Variants in NRCAM observed in about 807,000 individuals in gnomAD.
The protein encoded by NRCAM is NgCAM-related cell adhesion molecule.
NRCAM carries 83 observed loss-of-function variants against 156.5 expected under a neutral mutation model. That is an observed-to-expected ratio of 0.53 (90% CI 0.44 to 0.64). NRCAM has a LOEUF of 0.64. NRCAM is among the 30% of genes least tolerant of loss of function. The pLI, the probability that NRCAM is intolerant of heterozygous loss-of-function variation, is 0.00. For synonymous variants in NRCAM, 538 were observed against 563.9 expected (o/e 0.95, Z 0.65); for missense variants, 1,417 against 1,597.3 (o/e 0.89, Z 1.92).
At chr7:108,285,174 T>A (rs914562446) in intron 3 of NRCAM, among the ~76,000 whole-genome samples, 4 of 152,212 alleles carry the variant, frequency 2.6e-5, no homozygotes, top group African/African-American at 9.7e-5. Flanking sequence ...TCCCTCAGTC[T>A]CAGTCACTGA....
In NRCAM at chr7:108,231,127, GT is replaced by G; in HGVS notation, c.453del (p.Lys151AsnfsTer13). ...CCACTTTGAAGTGTGATTGGTTCAA[GT>G]TTTTCTTTGGTCCACAATGGTGATC... ...PSRSPLWTKE[K>X]LEPITLQSGQ... On this transcript the variant is annotated frameshift_variant, in exon 8 of 33. Coordinates refer to ENST00000379028, the MANE Select transcript of NRCAM (RefSeq NM_001037132.4). LOFTEE classifies it high-confidence loss of function. The G allele has an allele frequency of 6.2e-7, 1 of 1,603,978 alleles. No individual in the cohort carries two copies. The highest frequency in any genetic ancestry group is 8.5e-7 in the Non-Finnish European group (1 of 1,176,224).
intron 3 of NRCAM, among the ~76,000 whole-genome samples, chr7:108,298,642 GAC>G (rs1430679091): frequency 3.3e-5 from 5 of 149,762 alleles, no homozygotes; most frequent in Non-Finnish European, 7.4e-5. Flanking sequence ...AACACAGCGA[GAC>G]TCCATCTCAA....
chr7:108,238,862 G>C (rs1480862653), intron 4 of NRCAM, among the ~76,000 whole-genome samples: 1 of 152,000 alleles, frequency 6.6e-6, no homozygotes, highest in Admixed American at 6.6e-5. Flanking sequence ...TCAACAAAGT[G>C]TGGGACAAAC....
At chr7:108,434,027 G>T (rs1829101710) in intron 1 of NRCAM, among the ~76,000 whole-genome samples, 1 of 152,156 alleles carries the variant, frequency 6.6e-6, no homozygotes, top group South Asian at 2.1e-4. Context: ...CATACAACGG[G>T]ACAAAACTGT....
chr7:108,202,920 C>T (rs189767432), intron 13 of NRCAM, among the ~76,000 whole-genome samples: 8 of 152,230 alleles, frequency 5.3e-5, no homozygotes, highest in South Asian at 2.1e-4. Flanking sequence ...ATACAACGCA[C>T]GCTGGAAACT....
chr7:108,161,031 G>A (rs962964026), intron 30 of NRCAM, among the ~76,000 whole-genome samples: 2 of 152,134 alleles, frequency 1.3e-5, no homozygotes, highest in African/African-American at 4.8e-5. Context: ...TTCCAGATCA[G>A]GAAAACAGCC....
At chr7:108,213,575 G>A (rs2085994579) in intron 11 of NRCAM, among the ~76,000 whole-genome samples, 1 of 152,124 alleles carries the variant, frequency 6.6e-6, no homozygotes. Context: ...AGTGGAAAAA[G>A]TTATTTCATG....
At chr7:108,173,221 C>G (rs426322) in intron 28 of NRCAM, among the ~76,000 whole-genome samples, 31,800 of 151,942 alleles carry the variant, frequency 0.21, 6,456 homozygotes, top group African/African-American at 0.53. Flanking sequence ...CCTGACCTCA[C>G]GTGATCTGCC....
intron 2 of NRCAM, among the ~76,000 whole-genome samples, chr7:108,337,381 G>A (rs914547651): frequency 8.6e-5 from 13 of 151,914 alleles, no homozygotes; most frequent in African/African-American, 9.7e-5. Flanking sequence ...TGTTTGTTAC[G>A]GCTCGAGCTG....
intron 2 of NRCAM, among the ~76,000 whole-genome samples, chr7:108,380,137 G>A (rs1056482161): frequency 2.6e-5 from 4 of 151,834 alleles, no homozygotes; most frequent in African/African-American, 9.7e-5. Flanking sequence ...CAATCCAAAG[G>A]GATAAAAAAT....
At chr7:108,344,542 C>T (rs1330184398) in intron 2 of NRCAM, among the ~76,000 whole-genome samples, 1 of 152,096 alleles carries the variant, frequency 6.6e-6, no homozygotes, top group Non-Finnish European at 1.5e-5. Flanking sequence ...GTTAACACGT[C>T]TAATATTTCC....
intron 3 of NRCAM, among the ~76,000 whole-genome samples, chr7:108,262,534 G>T (rs1004501759): frequency 4.6e-5 from 7 of 152,106 alleles, no homozygotes; most frequent in Non-Finnish European, 8.8e-5. Flanking sequence ...CAGTCCTGTG[G>T]ATTCAAAGTC....
intron 1 of NRCAM, among the ~76,000 whole-genome samples, chr7:108,424,403 G>A (rs777499827): frequency 9.8e-5 from 15 of 152,356 alleles, no homozygotes; most frequent in Non-Finnish European, 1.9e-4. Context: ...TCGGTCAGAG[G>A]TGTGGCTAGT....
chr7:108,447,284 T>TA (rs1554659804), intron 1 of NRCAM, among the ~76,000 whole-genome samples: 5 of 128,328 alleles, frequency 3.9e-5, no homozygotes, highest in Admixed American at 1.6e-4. Context: ...TTTTTTTTTT[T>TA]AGACAGCGTC....
At chr7:108,396,223 T>G (rs898639392) in intron 2 of NRCAM, among the ~76,000 whole-genome samples, 2 of 152,160 alleles carry the variant, frequency 1.3e-5, no homozygotes, top group African/African-American at 4.8e-5. Context: ...GGGAGAAATA[T>G]TCTTTGTGTT....
rs73416308 is a variant in NRCAM at position 108,256,727 on chromosome 7, A to G, written c.-106-16557T>C. 9.1e-3 allele frequency among the ~76,000 whole-genome samples: 1,379 copies of G among 152,316 alleles called. 26 individuals are homozygous for G. The highest frequency in any genetic ancestry group is 0.032 in the African/African-American group (1,316 of 41,568). ...ACTTATATGAAATCTTTAGAAATGCAAAAGTATAGCCAGCATGGTGGTTCA... is the reference window on the plus strand; with the variant it reads ...ACTTATATGAAATCTTTAGAAATGCGAAAGTATAGCCAGCATGGTGGTTCA... On this transcript the variant is annotated intron_variant, in intron 3 of 32. Transcript: ENST00000379028.
At chr7:108,155,860 G>C (rs545746165) in intron 32 of NRCAM, among the ~76,000 whole-genome samples, 1 of 152,102 alleles carries the variant, frequency 6.6e-6, no homozygotes, top group African/African-American at 2.4e-5. Flanking sequence ...CAAATCATTG[G>C]AATATATCCT....
At position 108,333,736 on chromosome 7, in the gene NRCAM, C is replaced by A. The variant is rs1475715265; in HGVS notation, c.-173-21005G>T. ...AACCCCTAAACACCTATTGTTCATA[C>A]AATAGAAAGTTCAACAACCCAAGTT... On this transcript the variant is annotated intron_variant, in intron 2 of 32. Transcript: ENST00000379028. Among the ~76,000 whole-genome samples the A allele has an allele frequency of 2.0e-5, 3 of 152,154 alleles. No individual in the cohort carries two copies. The South Asian group carries it at 6.2e-4, about 32-fold the overall frequency.
intron 2 of NRCAM, among the ~76,000 whole-genome samples, chr7:108,358,882 GT>G (rs897010631): frequency 6.6e-6 from 1 of 152,212 alleles, no homozygotes; most frequent in African/African-American, 2.4e-5. Flanking sequence ...TTAAAGGGCT[GT>G]AGCAGGGGAA....
Sources: allele counts gnomAD v4.1 joint callset (sites outside exome capture counted in the v4.1 genomes callset), GRCh38; gene constraint gnomAD v4.1.1; transcripts MANE v1.5; gene names NCBI Gene and HGNC (gene_info 2026-07-23, HGNC 2026-07-21).